PYDC5: variants seen among roughly 807,000 people sequenced by gnomAD.
PYDC5 encodes the protein pyrin domain-containing protein 5.
At chr1:159,001,794 A>G in the PYDC5 span, among the ~76,000 whole-genome samples, 2 of 152,238 alleles carry the variant, frequency 1.3e-5, no homozygotes, top group African/African-American at 4.8e-5. Context: ...TAAAATTTAC[A>G]TTTTACTCCA....
Sources: gnomAD v4.1 joint callset for allele counts (sites outside exome capture counted in the v4.1 genomes callset) on GRCh38, gnomAD v4.1.1 for gene constraint, MANE v1.5 for transcripts, NCBI Gene and HGNC (gene_info 2026-07-23, HGNC 2026-07-21) for gene names.